KIDINS220: variants seen among roughly 807,000 people sequenced by gnomAD.
The protein encoded by KIDINS220 is kinase D-interacting substrate of 220 kDa.
Under a neutral mutation model 157.6 loss-of-function variants are expected in KIDINS220, and 63 were observed. The ratio of observed to expected loss-of-function variants is 0.40; its 90% CI spans 0.33 to 0.49. The LOEUF (loss-of-function observed/expected upper bound fraction) is 0.49. KIDINS220 is among the 20% of genes least tolerant of loss of function. The pLI is 0.66. For missense variants in KIDINS220, 1,772 were observed against 2,171.2 expected, an observed-to-expected ratio of 0.82 and a Z score of 3.65; for synonymous variants, 732 against 783.6, an observed-to-expected ratio of 0.93 and a Z score of 1.10.
chr2:8,778,197 T>C (rs767012035), intron 20 of KIDINS220, among the ~76,000 whole-genome samples: 8 of 152,150 alleles, frequency 5.3e-5, no homozygotes, highest in Non-Finnish European at 1.0e-4. Context: ...CAAATTACTA[T>C]GTGGTAGAGA....
intron 1 of KIDINS220, among the ~76,000 whole-genome samples, chr2:8,828,000 G>A (rs1172926136): frequency 2.0e-5 from 3 of 152,084 alleles, no homozygotes; most frequent in Non-Finnish European, 4.4e-5. Flanking sequence ...ACCACAATGT[G>A]AGCAGTACTA....
At chr2:8,774,519 G>A (rs906911098) in intron 21 of KIDINS220, among the ~76,000 whole-genome samples, 7 of 152,106 alleles carry the variant, frequency 4.6e-5, no homozygotes, top group Non-Finnish European at 1.0e-4. Context: ...GAGATGGTGA[G>A]GGAAGATCTT....
downstream of KIDINS220, chr2:8,723,113 T>C (rs556450913): frequency 2.6e-5 from 4 of 152,356 alleles, no homozygotes; most frequent in South Asian, 8.3e-4. Context: ...TGGCAAAGAC[T>C]CCTGTGTGCT....
At chr2:8,835,571 T>C (rs1357970695) in intron 1 of KIDINS220, among the ~76,000 whole-genome samples, 1 of 148,504 alleles carries the variant, frequency 6.7e-6, no homozygotes, top group African/African-American at 2.5e-5. Flanking sequence ...AGAGAACAAA[T>C]GTGGCCCCTA....
chr2:8,771,194 T>A lies in KIDINS220; in HGVS notation c.2849-362A>T, dbSNP rs745686184. On this transcript the variant is annotated intron_variant, in intron 21 of 29. Coordinates refer to ENST00000256707, the MANE Select transcript of KIDINS220 (RefSeq NM_020738.4). ...TCCATTCACCCACAATGGACCCCAA[T>A]CCTCTAAAGTGCCATCTGCTGAGAT... is the stretch of plus-strand genomic sequence containing the variant. 2.7e-4 allele frequency among the ~76,000 whole-genome samples: 41 copies of A among 152,184 alleles called. 1 individual carries two copies. Among genetic ancestry groups the A allele is most frequent in the Non-Finnish European group, 4.9e-4 (33 of 67,992 alleles).
downstream of KIDINS220, chr2:8,727,082 T>C (rs1663393452): frequency 3.0e-6 from 3 of 1,007,416 alleles, no homozygotes; most frequent in South Asian, 4.7e-5. Context: ...TTTCTATTTT[T>C]CAATTCAGTT....
chr2:8,819,248 CT>C (rs1233287990), intron 2 of KIDINS220, among the ~76,000 whole-genome samples: 1 of 152,154 alleles, frequency 6.6e-6, no homozygotes, highest in East Asian at 1.9e-4. Context: ...CAACCAGGTG[CT>C]ATGTATAATA....
At chr2:8,732,911 G>GCCCCTA (rs1274928323) in intron 29 of KIDINS220, among the ~76,000 whole-genome samples, 1 of 152,024 alleles carries the variant, frequency 6.6e-6, no homozygotes, top group African/African-American at 2.4e-5. Context: ...CTCTGTCCCT[G>GCCCCTA]CCCCTACCCC....
At chr2:8,737,083 T>G in intron 26 of KIDINS220, 84 bp from the exon 27 acceptor site, 1 of 1,325,642 alleles carries the variant, frequency 7.5e-7, no homozygotes, top group Non-Finnish European at 1.0e-6. Context: ...AAAAACTCAT[T>G]AAGTTATACC....
intron 26 of KIDINS220, among the ~76,000 whole-genome samples, chr2:8,745,210 T>A (rs1043301868): frequency 6.6e-6 from 1 of 152,328 alleles, no homozygotes; most frequent in East Asian, 1.9e-4. Flanking sequence ...CTTCAAAACT[T>A]TGCTCAGGAA....
At chr2:8,825,955 G>A (rs1678728689) in intron 2 of KIDINS220, 1 of 152,068 alleles carries the variant, frequency 6.6e-6, no homozygotes, top group African/African-American at 2.4e-5. Context: ...ATGGTGGCGG[G>A]CGCCTGTAGT....
In KIDINS220 at chr2:8,789,933, T is replaced by C; in HGVS notation, c.1568A>G (p.Asn523Ser). 1.2e-6 allele frequency: 2 copies of C among 1,613,840 alleles called. No homozygotes were observed. The highest frequency in any genetic ancestry group is 1.7e-6 in the Non-Finnish European group (2 of 1,179,936). The part of the protein sequence containing the change: ...GLLFAFTVHP[N>S]LGIAVSLSFL... Reference sequence around the variant, plus strand: ...GCTCAGTGACACTGCTATTCCAAGATTTGGGTGGACCGTGAAGGCAAACAA... The same window carrying C: ...GCTCAGTGACACTGCTATTCCAAGACTTGGGTGGACCGTGAAGGCAAACAA... The change falls in exon 14 of 30, where the codon AAT (asparagine) becomes AGT (serine). Residue 523 changes from asparagine to serine, a missense_variant. Transcript: ENST00000256707.
chr2:8,798,276 C>G lies in KIDINS220; in HGVS notation c.925G>C (p.Ala309Pro). The change falls in exon 10 of 30, where the codon GCT (alanine) becomes CCT (proline). Residue 309 changes from alanine to proline, a missense_variant. This residue lies in a region of KIDINS220 where 725 missense variants were observed against 1,017.1 expected (regional missense o/e 0.71). Transcript: ENST00000256707. ...ATTGTTGCATTTCCTTTCTCAACAG[C>G]CCAATACAAAGCAGTTTTATTATCC... ...GQDNKTALYW[A>P]VEKGNATMVR... 1 of 1,608,676 alleles carries G rather than the reference C, an allele frequency of 6.2e-7. No individual in the cohort carries two copies. Among genetic ancestry groups the G allele is most frequent in the Non-Finnish European group, 8.5e-7 (1 of 1,175,432 alleles).
chr2:8,771,817 A>T (rs1208799304), intron 21 of KIDINS220, among the ~76,000 whole-genome samples: 1 of 152,164 alleles, frequency 6.6e-6, no homozygotes, highest in Non-Finnish European at 1.5e-5. Context: ...TCATGGCTGG[A>T]TTCCTCTTCC....
chr2:8,743,399 G>GC (rs912545741), intron 26 of KIDINS220, among the ~76,000 whole-genome samples: 12 of 152,256 alleles, frequency 7.9e-5, no homozygotes, highest in African/African-American at 2.6e-4. Flanking sequence ...TGGCCTTTGG[G>GC]CAGTAGTAGC....
At position 8,795,817 on chromosome 2, in the gene KIDINS220, G is replaced by T. The variant is rs1032023393; in HGVS notation, c.1098+954C>A. Among the ~76,000 whole-genome samples, 8 of 152,280 alleles carry T rather than the reference G, an allele frequency of 5.3e-5. No homozygotes were observed. The East Asian group carries it at 1.5e-3, about 29-fold the overall frequency. Reference sequence around the variant, plus strand: ...TGGTGGTTCTGTATCGCAAATTGGGGGACCAGTGTCAGATGAGTCAATGGC... The same window carrying T: ...TGGTGGTTCTGTATCGCAAATTGGGTGACCAGTGTCAGATGAGTCAATGGC... On this transcript the variant is annotated intron_variant, in intron 11 of 29. Coordinates refer to ENST00000256707, the MANE Select transcript of KIDINS220 (RefSeq NM_020738.4).
intron 6 of KIDINS220, among the ~76,000 whole-genome samples, chr2:8,811,295 GAAAA>G (rs34199182): frequency 1.4e-5 from 2 of 139,588 alleles, no homozygotes; most frequent in South Asian, 4.4e-4. Context: ...TACAAAATGG[GAAAA>G]AAAAAAAAAA....
chr2:8,810,418 T>C (rs1676116745), intron 6 of KIDINS220, among the ~76,000 whole-genome samples: 1 of 152,204 alleles, frequency 6.6e-6, no homozygotes, highest in African/African-American at 2.4e-5. Context: ...CTGGAGGGCC[T>C]TGAAAGCCAA....
intron 24 of KIDINS220, chr2:8,749,390 A>G (rs1240473529): frequency 2.2e-6 from 1 of 456,146 alleles, no homozygotes; most frequent in Non-Finnish European, 4.4e-6. Flanking sequence ...ACAGTTCCAG[A>G]AAGTGTAACC....
Sources: gnomAD v4.1 joint callset for allele counts (sites outside exome capture counted in the v4.1 genomes callset) on GRCh38, gnomAD v4.1.1 for gene constraint, gnomAD v4.1.1 regional missense constraint, MANE v1.5 for transcripts, NCBI Gene and HGNC (gene_info 2026-07-23, HGNC 2026-07-21) for gene names.